PLEKHB2: variants seen among roughly 807,000 people sequenced by gnomAD.
PLEKHB2 encodes the protein pleckstrin homology domain containing B2.
PLEKHB2 carries 31 observed loss-of-function variants against 36.5 expected under a neutral mutation model. That is an observed-to-expected ratio of 0.85 (90% CI 0.64 to 1.15). The LOEUF (loss-of-function observed/expected upper bound fraction) is 1.15, where lower values mean the gene tolerates loss of function less well. Among genes scored for constraint, PLEKHB2 ranks in the 50% most tolerant of loss-of-function variants. PLEKHB2 has a pLI of 0.00. For missense variants in PLEKHB2, 262 were observed against 295.3 expected (o/e 0.89, Z 0.83); for synonymous variants, 119 against 112.0 (o/e 1.06, Z -0.39).
intron 6 of PLEKHB2, among the ~76,000 whole-genome samples, 198 bp from the exon 7 acceptor site, chr2:131,139,969 T>C (rs1356727883): frequency 6.6e-6 from 1 of 152,244 alleles, no homozygotes; most frequent in Non-Finnish European, 1.5e-5. Context: ...TTCTGTAGCC[T>C]GAAAGTGGAC....
rs138512226 is a variant in PLEKHB2 at position 131,114,895 on chromosome 2, C to A, written c.-8-6039C>A. 1.9e-3 allele frequency among the ~76,000 whole-genome samples: 282 copies of A among 152,304 alleles called. 2 individuals carry two copies. Among genetic ancestry groups the A allele is most frequent in the Non-Finnish European group, 2.0e-3 (136 of 68,032 alleles). On this transcript the variant is annotated intron_variant, in intron 1 of 7. Coordinates refer to ENST00000693505, the MANE Select transcript of PLEKHB2 (RefSeq NM_001100623.2). ...GCCCTCCAAACTGTTCCAACCTCTGCCTTTTACCTGTTTCCAAAGTTGCTT... is the reference window on the plus strand; with the variant it reads ...GCCCTCCAAACTGTTCCAACCTCTGACTTTTACCTGTTTCCAAAGTTGCTT...
At chr2:131,116,343 A>C (rs748555042) in intron 1 of PLEKHB2, among the ~76,000 whole-genome samples, 11 of 152,230 alleles carry the variant, frequency 7.2e-5, no homozygotes, top group Non-Finnish European at 1.3e-4. Flanking sequence ...CCTCAAGGAA[A>C]CACCAGAGAA....
intron 1 of PLEKHB2, among the ~76,000 whole-genome samples, chr2:131,109,658 C>G (rs920158870): frequency 1.3e-5 from 2 of 151,990 alleles, no homozygotes; most frequent in Admixed American, 6.6e-5. Flanking sequence ...CCACTATACT[C>G]CAGCCTGGGC....
rs148948709 is a variant in PLEKHB2, at chr2:131,132,918, C to T, written c.350C>T (p.Ala117Val). The change falls in exon 6 of 8, where the codon GCA (alanine) becomes GTA (valine). Residue 117 changes from alanine to valine, a missense_variant. By Grantham distance (64) the Ala-to-Val change is moderately conservative. Transcript: ENST00000693505. The part of the protein sequence containing the change: ...SRTNTAYVGS[A>V]VMTDETSVVS... ...CTCCCGCAGGCGTATGTGGGCTCTG[C>T]AGTCATGACCGATGAGACATCCGTG... 3.1e-4 allele frequency: 494 copies of T among 1,611,646 alleles called. No homozygotes were observed. The highest frequency in any genetic ancestry group is 4.0e-4 in the Non-Finnish European group (472 of 1,177,832).
At chr2:131,114,252 A>G (rs540737478) in intron 1 of PLEKHB2, among the ~76,000 whole-genome samples, 2 of 152,130 alleles carry the variant, frequency 1.3e-5, no homozygotes, top group South Asian at 4.2e-4. Flanking sequence ...CAGCCTCCCG[A>G]GTAGCTGGGA....
chr2:131,125,004 G>A (rs1023154400), intron 2 of PLEKHB2, among the ~76,000 whole-genome samples: 1 of 151,932 alleles, frequency 6.6e-6, no homozygotes, highest in Non-Finnish European at 1.5e-5. Context: ...GGCTGGTCTC[G>A]AACTCCTGGC....
rs1697036486 is a variant in PLEKHB2 at position 131,125,826 on chromosome 2, C to A, written c.111C>A (p.Asp37Glu). Residue 37 changes from aspartate to glutamate, a missense_variant, in exon 3 of 8, where the codon GAC becomes GAA. Coordinates refer to ENST00000693505, the MANE Select transcript of PLEKHB2 (RefSeq NM_001100623.2). ...ATGGTCACCTGATCTATTATGATGA[C>A]CAGACTCGGCAGAATATCGAGGATA... Reference protein sequence around the residue: ...WSDGHLIYYDDQTRQNIEDKV... With the variant: ...WSDGHLIYYDEQTRQNIEDKV... 1.9e-6 allele frequency: 3 copies of A among 1,613,240 alleles called. No homozygotes were observed. Among genetic ancestry groups the A allele is most frequent in the Non-Finnish European group, 2.5e-6 (3 of 1,179,566 alleles).
intron 5 of PLEKHB2, 140 bp from the exon 6 acceptor site, chr2:131,132,762 T>C (rs1303304093): frequency 1.9e-6 from 1 of 527,106 alleles, no homozygotes; most frequent in African/African-American, 1.9e-5. Flanking sequence ...ACTGGGGGAG[T>C]TTTTCCTGTT....
At chr2:131,144,388 CTTCTAT>C (rs1463377135) in intron 7 of PLEKHB2, 1 of 1,215,372 alleles carries the variant, frequency 8.2e-7, no homozygotes, top group Non-Finnish European at 1.0e-6. Context: ...TGGTTGGAGT[CTTCTAT>C]TTCTGTCTTG....
At chr2:131,105,941 C>T (rs1341047905) in intron 1 of PLEKHB2, among the ~76,000 whole-genome samples, 1 of 152,206 alleles carries the variant, frequency 6.6e-6, no homozygotes, top group Non-Finnish European at 1.5e-5. Context: ...AGAGGTCTCC[C>T]CTCCTTAAGT....
At chr2:131,126,041 T>C in intron 3 of PLEKHB2, 136 bp downstream of exon 3, 2 of 786,880 alleles carry the variant, frequency 2.5e-6, no homozygotes, top group South Asian at 3.6e-5. Context: ...GCGACCACAG[T>C]GGGGCCCCAG....
At chr2:131,114,347 A>G (rs552855532) in intron 1 of PLEKHB2, among the ~76,000 whole-genome samples, 5 of 152,200 alleles carry the variant, frequency 3.3e-5, no homozygotes, top group African/African-American at 9.6e-5. Flanking sequence ...GATGGTCTCC[A>G]TCTCCTGACC....
In PLEKHB2 at chr2:131,140,163, T is replaced by A; in HGVS notation, c.424-4T>A. ...GTATTTCTAATGGGCCTGTTTCTTTTCAGCAGGCTTATGGCTATGGGCCAT... is the reference window on the plus strand; with the variant it reads ...GTATTTCTAATGGGCCTGTTTCTTTACAGCAGGCTTATGGCTATGGGCCAT... On this transcript the variant is annotated splice_polypyrimidine_tract_variant and splice_region_variant and intron_variant, in intron 6 of 7. Transcript: ENST00000693505. 1 of 1,586,766 alleles carries A rather than the reference T, an allele frequency of 6.3e-7. No individual in the cohort carries two copies. Among genetic ancestry groups the A allele is most frequent in the African/African-American group, 1.3e-5 (1 of 74,230 alleles).
Position 131,132,939 on chromosome 2 carries a change from C to G in PLEKHB2, c.371C>G (p.Ser124Cys). Reference sequence around the variant, plus strand: ...TCTGCAGTCATGACCGATGAGACATCCGTGGTTTCCTCACCTCCACCATAC... The same window carrying G: ...TCTGCAGTCATGACCGATGAGACATGCGTGGTTTCCTCACCTCCACCATAC... ...VGSAVMTDET[S>C]VVSSPPPYTA... The change falls in exon 6 of 8, where the codon TCC becomes TGC. Residue 124 changes from serine to cysteine, a missense_variant. Physicochemically the swap from Ser to Cys is moderately radical, Grantham distance 112. Transcript: ENST00000693505. 1.9e-6 allele frequency: 3 copies of G among 1,613,882 alleles called. No homozygotes were observed. The highest frequency in any genetic ancestry group is 2.5e-6 in the Non-Finnish European group (3 of 1,179,750).
intron 1 of PLEKHB2, among the ~76,000 whole-genome samples, chr2:131,117,005 G>A (rs1452486884): frequency 6.6e-6 from 1 of 151,848 alleles, no homozygotes; most frequent in Non-Finnish European, 1.5e-5. Flanking sequence ...ACCTGTAATC[G>A]CAGCTGCTTG....
intron 2 of PLEKHB2, among the ~76,000 whole-genome samples, chr2:131,123,766 A>ACCCCCCCCCCCCCCCCCCCCCCCCC (rs796669454): frequency 8.7e-5 from 1 of 11,530 alleles, no homozygotes; most frequent in Non-Finnish European, 1.7e-4. Context: ...CTCCTGGTCC[A>ACCCCCCCCCCCCCCCCCCCCCCCCC]CCCCCCCCAC....
intron 5 of PLEKHB2, 28 bp downstream of exon 5, chr2:131,130,788 A>T: frequency 1.2e-5 from 16 of 1,307,194 alleles, no homozygotes; most frequent in South Asian, 5.2e-5. Context: ...ATCACCAATA[A>T]TTTTTTTTTT....
chr2:131,115,649 T>G (rs6754212), intron 1 of PLEKHB2, among the ~76,000 whole-genome samples: 3,392 of 152,094 alleles, frequency 0.022, 129 homozygotes, highest in African/African-American at 0.077. Flanking sequence ...TACTGCGCCC[T>G]CCAGAAGGTA....
In PLEKHB2 at chr2:131,138,527, G is replaced by C. The variant is rs1698487401; in HGVS notation, c.424-1640G>C. 2.0e-5 allele frequency among the ~76,000 whole-genome samples: 3 copies of C among 152,048 alleles called. No homozygotes were observed. In the South Asian group the frequency reaches 6.2e-4, roughly 32 times the overall value. ...TCATGTTTTAGCAGACCTCCTTCTG[G>C]GGAGCTGCTTTATTGCTGCCAGGTA... On this transcript the variant is annotated intron_variant, in intron 6 of 7. Coordinates refer to ENST00000693505, the MANE Select transcript of PLEKHB2 (RefSeq NM_001100623.2).
Sources: allele counts gnomAD v4.1 joint callset (sites outside exome capture counted in the v4.1 genomes callset), GRCh38; gene constraint gnomAD v4.1.1; transcripts MANE v1.5; gene names NCBI Gene and HGNC (gene_info 2026-07-23, HGNC 2026-07-21).